MCPH1: variants seen among roughly 807,000 people sequenced by gnomAD.
MCPH1 encodes microcephalin 1.
Under a neutral mutation model 84.5 loss-of-function variants are expected in MCPH1, and 104 were observed. The ratio of observed to expected loss-of-function variants is 1.23; its 90% CI spans 1.05 to 1.45. The LOEUF (loss-of-function observed/expected upper bound fraction) is 1.45, where lower values mean the gene tolerates loss of function less well. Ranked by LOEUF, MCPH1 falls within the 40% of genes most tolerant of loss-of-function variation. MCPH1 has a pLI of 0.00. For missense variants in MCPH1, 1,498 were observed against 1,005.7 expected, an observed-to-expected ratio of 1.49 and a Z score of -6.62; for synonymous variants, 514 against 366.8, an observed-to-expected ratio of 1.40 and a Z score of -4.58.
At chr8:6,519,498 C>T (rs911146784) in intron 12 of MCPH1, among the ~76,000 whole-genome samples, 5 of 152,202 alleles carry the variant, frequency 3.3e-5, no homozygotes, top group African/African-American at 1.2e-4. Flanking sequence ...ATGGCTGATG[C>T]ACTATGGTTG....
At chr8:6,428,197 A>T (rs1219374728) in intron 3 of MCPH1, among the ~76,000 whole-genome samples, 1 of 152,168 alleles carries the variant, frequency 6.6e-6, no homozygotes, top group Non-Finnish European at 1.5e-5. Context: ...GTACAACAGT[A>T]TAAAAATACC....
rs1302112322 is a variant in MCPH1, at chr8:6,424,509, A to G, written c.234-6990A>G. ...TCCTATCCTACCAGCAGCCAGCTCC[A>G]CTTCCCGCCTCCTCAGCCTTCTCAC... On this transcript the variant is annotated intron_variant, in intron 3 of 13. Coordinates refer to ENST00000344683, the MANE Select transcript of MCPH1 (RefSeq NM_024596.5). Among the ~76,000 whole-genome samples the G allele has an allele frequency of 2.0e-5, 3 of 152,268 alleles. No homozygotes were observed. The East Asian group carries it at 5.8e-4, about 29-fold the overall frequency.
chr8:6,532,336 G>T (rs1020960133), intron 12 of MCPH1: 8 of 1,613,944 alleles, frequency 5.0e-6, no homozygotes, highest in Non-Finnish European at 6.8e-6. Flanking sequence ...ACTTACTTGG[G>T]CTTCCACATC....
At chr8:6,513,893 G>A (rs373603272) in intron 12 of MCPH1, 208 of 1,537,570 alleles carry the variant, frequency 1.4e-4, no homozygotes, top group East Asian at 6.9e-5. Flanking sequence ...TTTTTTCTTT[G>A]TATATTTGAA....
At chr8:6,461,680 T>C (rs528057079) in intron 9 of MCPH1, among the ~76,000 whole-genome samples, 12 of 152,152 alleles carry the variant, frequency 7.9e-5, no homozygotes, top group Admixed American at 3.3e-4. Context: ...AGCAGTTTTA[T>C]TACCTCTGTA....
chr8:6,497,590 C>T (rs1328357568), intron 11 of MCPH1, among the ~76,000 whole-genome samples: 1 of 152,130 alleles, frequency 6.6e-6, no homozygotes, highest in Non-Finnish European at 1.5e-5. Flanking sequence ...ATGCTTTTCA[C>T]TTATAAGGAA....
chr8:6,612,006 G>A (rs768899157), intron 12 of MCPH1, among the ~76,000 whole-genome samples: 4 of 152,186 alleles, frequency 2.6e-5, no homozygotes, highest in Non-Finnish European at 4.4e-5. Flanking sequence ...TTGCGGGGGT[G>A]GGGCTGAAAG....
At chr8:6,636,076 C>T (rs1265574343) in intron 13 of MCPH1, among the ~76,000 whole-genome samples, 2 of 152,230 alleles carry the variant, frequency 1.3e-5, no homozygotes, top group Admixed American at 6.5e-5. Context: ...CGGTGGCTCA[C>T]GCCTGTAATC....
intron 9 of MCPH1, among the ~76,000 whole-genome samples, chr8:6,465,196 G>C (rs920858992): frequency 6.6e-6 from 1 of 152,150 alleles, no homozygotes; most frequent in African/African-American, 2.4e-5. Context: ...ATCTGTTTGA[G>C]ATATTCGGAA....
intron 13 of MCPH1, among the ~76,000 whole-genome samples, chr8:6,635,665 G>C (rs2912084): frequency 0.52 from 79,695 of 152,044 alleles, 21,097 homozygotes; most frequent in East Asian, 0.61. Context: ...CAACAGAAAG[G>C]AGCTGTCGGT....
chr8:6,536,273 G>A (rs1196058290), intron 12 of MCPH1, among the ~76,000 whole-genome samples: 10 of 152,116 alleles, frequency 6.6e-5, no homozygotes, highest in African/African-American at 2.2e-4. Context: ...TGCCTGTGCT[G>A]TATGGGAATC....
intron 12 of MCPH1, among the ~76,000 whole-genome samples, chr8:6,593,146 C>A (rs952932513): frequency 4.1e-5 from 6 of 145,232 alleles, no homozygotes; most frequent in South Asian, 2.3e-4. Flanking sequence ...TGCAATGGCA[C>A]AATCTTGGCT....
At chr8:6,477,359 G>T in intron 9 of MCPH1, 1 of 496,530 alleles carries the variant, frequency 2.0e-6, no homozygotes, top group Non-Finnish European at 3.6e-6. Context: ...TTTTTGTTTT[G>T]CTCTTGTACC....
At chr8:6,527,606 T>G (rs375766972) in intron 12 of MCPH1, 2 of 1,613,970 alleles carry the variant, frequency 1.2e-6, no homozygotes, top group African/African-American at 2.7e-5. Context: ...CAAAATCTGT[T>G]TTTCCAATTT....
rs1403773820 is a variant in MCPH1, at chr8:6,444,331, A to C, written c.671-62A>C. ...AAAAGTTGTTTTATTGGTCAACTGA[A>C]AGTTGAATATAGAATAATTTAAACC... On this transcript the variant is annotated intron_variant, in intron 7 of 13. Transcript: ENST00000344683. The C allele has an allele frequency of 1.9e-6, 3 of 1,589,724 alleles. No individual in the cohort carries two copies. In the African/African-American group the frequency reaches 4.0e-5, roughly 21 times the overall value.
At chr8:6,508,769 T>C in intron 12 of MCPH1, 2 of 1,027,350 alleles carry the variant, frequency 1.9e-6, no homozygotes, top group South Asian at 2.8e-5. Flanking sequence ...AAACTTAGTC[T>C]AAAAAAAGTG....
chr8:6,538,640 C>T (rs1820943391), intron 12 of MCPH1, among the ~76,000 whole-genome samples: 1 of 152,204 alleles, frequency 6.6e-6, no homozygotes. Context: ...TCAGGTCCCA[C>T]CATCCCCCAT....
chr8:6,418,876 G>A (rs141858949), intron 3 of MCPH1, among the ~76,000 whole-genome samples: 44 of 152,148 alleles, frequency 2.9e-4, no homozygotes, highest in African/African-American at 9.4e-4. Flanking sequence ...CACAGCGCCC[G>A]GCCAGGATTT....
At chr8:6,639,496 A>C (rs1442738759) in intron 13 of MCPH1, among the ~76,000 whole-genome samples, 1 of 152,102 alleles carries the variant, frequency 6.6e-6, no homozygotes, top group Non-Finnish European at 1.5e-5. Flanking sequence ...CCGTGTCCCT[A>C]CAAAAAAAAT....
Sources: gnomAD v4.1 joint callset for allele counts (sites outside exome capture counted in the v4.1 genomes callset) on GRCh38, gnomAD v4.1.1 for gene constraint, MANE v1.5 for transcripts, NCBI Gene and HGNC (gene_info 2026-07-23, HGNC 2026-07-21) for gene names.